HNF4G: variants seen among roughly 807,000 people sequenced by gnomAD.
The protein encoded by HNF4G is hepatocyte nuclear factor 4-gamma.
In HNF4G, 21 loss-of-function variants were observed where a neutral mutation model predicts 50.9. The observed-to-expected ratio is 0.41, with a 90% CI of 0.29 to 0.59. The LOEUF (loss-of-function observed/expected upper bound fraction) is 0.59, where lower values mean the gene tolerates loss of function less well. Ranked by LOEUF, HNF4G falls within the 20% of genes least tolerant of loss-of-function variation. HNF4G has a pLI of 0.26. For synonymous variants in HNF4G, 198 were observed against 185.6 expected (o/e 1.07, Z -0.54); for missense variants, 527 against 559.4 (o/e 0.94, Z 0.58).
chr8:75,439,766 T>C (rs1234235418), intron 1 of HNF4G, among the ~76,000 whole-genome samples: 2 of 152,016 alleles, frequency 1.3e-5, no homozygotes, highest in Non-Finnish European at 2.9e-5. Flanking sequence ...ATCTCCACAT[T>C]AGTTTTTTTA....
At chr8:75,516,774 T>C (rs1805899270) in intron 2 of HNF4G, among the ~76,000 whole-genome samples, 1 of 152,226 alleles carries the variant, frequency 6.6e-6, no homozygotes, top group Non-Finnish European at 1.5e-5. Context: ...TTATGTCTTC[T>C]TGAAGAATTG....
chr8:75,424,498 G>A (rs1240353179), intron 1 of HNF4G, among the ~76,000 whole-genome samples: 2 of 152,074 alleles, frequency 1.3e-5, no homozygotes, highest in African/African-American at 4.8e-5. Flanking sequence ...GATAGTGGAC[G>A]TAATACCCAA....
At chr8:75,463,915 C>T (rs142466492) in intron 1 of HNF4G, among the ~76,000 whole-genome samples, 2 of 151,960 alleles carry the variant, frequency 1.3e-5, no homozygotes, top group East Asian at 1.9e-4. Flanking sequence ...GCTGGGATTA[C>T]AGGCATGTGC....
intron 1 of HNF4G, among the ~76,000 whole-genome samples, chr8:75,454,230 A>G (rs1047604928): frequency 6.6e-6 from 1 of 152,036 alleles, no homozygotes; most frequent in Non-Finnish European, 1.5e-5. Context: ...TTCTGCTAGC[A>G]CCCTGATTTT....
At chr8:75,418,591 C>A (rs187708649) in intron 1 of HNF4G, among the ~76,000 whole-genome samples, 1 of 152,264 alleles carries the variant, frequency 6.6e-6, no homozygotes, top group East Asian at 1.9e-4. Flanking sequence ...AGTATATTCC[C>A]CCTTTGACAA....
At chr8:75,425,665 C>T (rs1001263919) in intron 1 of HNF4G, among the ~76,000 whole-genome samples, 2 of 150,460 alleles carry the variant, frequency 1.3e-5, no homozygotes, top group Admixed American at 1.3e-4. Flanking sequence ...TTCCAACTAC[C>T]CAAAAGTATC....
intron 2 of HNF4G, among the ~76,000 whole-genome samples, chr8:75,517,413 C>G (rs1388296941): frequency 6.6e-6 from 1 of 152,180 alleles, no homozygotes; most frequent in Non-Finnish European, 1.5e-5. Context: ...GTCCCTTCCA[C>G]TTATGAGCCT....
intron 1 of HNF4G, among the ~76,000 whole-genome samples, chr8:75,441,248 T>C (rs1217665773): frequency 6.8e-6 from 1 of 147,508 alleles, no homozygotes; most frequent in Non-Finnish European, 1.5e-5. Flanking sequence ...GATTAGAACT[T>C]TTTTTTTTTT....
intron 1 of HNF4G, among the ~76,000 whole-genome samples, chr8:75,489,421 C>A (rs1812568869): frequency 6.6e-6 from 1 of 152,110 alleles, no homozygotes; most frequent in Non-Finnish European, 1.5e-5. Context: ...TAAACTGAAC[C>A]TCATCTTCTC....
At chr8:75,521,637 T>C (rs1051708520) in intron 2 of HNF4G, among the ~76,000 whole-genome samples, 2 of 152,334 alleles carry the variant, frequency 1.3e-5, no homozygotes, top group East Asian at 1.9e-4. Flanking sequence ...GATAAATGTG[T>C]ACTGTTACTA....
intron 1 of HNF4G, among the ~76,000 whole-genome samples, chr8:75,484,996 C>G (rs1472029113): frequency 6.6e-6 from 1 of 152,186 alleles, no homozygotes; most frequent in Non-Finnish European, 1.5e-5. Context: ...TGCACAAGCT[C>G]TTAGCCGCCA....
intron 2 of HNF4G, among the ~76,000 whole-genome samples, chr8:75,519,657 C>A (rs1805987763): frequency 6.6e-6 from 1 of 152,156 alleles, no homozygotes; most frequent in Admixed American, 6.5e-5. Context: ...AATTGCCTCC[C>A]ACTGGGTCCC....
At chr8:75,545,239 A>ATATGTGTGTGTG (rs151192258) in intron 2 of HNF4G, among the ~76,000 whole-genome samples, 2 of 145,486 alleles carry the variant, frequency 1.4e-5, no homozygotes, top group Non-Finnish European at 3.0e-5. Flanking sequence ...TTAAAATTGA[A>ATATGTGTGTGTG]TGTGTGTGTG....
chr8:75,561,634 G>C lies in HNF4G; in HGVS notation c.1246+1168G>C, dbSNP rs180963133. On this transcript the variant is annotated intron_variant, in intron 9 of 9. Transcript: ENST00000396423. ...TCTGTTATTTAGGTAGCTGTTTGCAGACTGAAGAGTTGGCAGTGGGGTCTG... is the reference window on the plus strand; with the variant it reads ...TCTGTTATTTAGGTAGCTGTTTGCACACTGAAGAGTTGGCAGTGGGGTCTG... 2.9e-3 allele frequency among the ~76,000 whole-genome samples: 442 copies of C among 152,284 alleles called. 4 individuals are homozygous for C. The highest frequency in any genetic ancestry group is 0.017 in the South Asian group (83 of 4,818).
chr8:75,420,422 C>T (rs1482488747), intron 1 of HNF4G, among the ~76,000 whole-genome samples: 1 of 152,234 alleles, frequency 6.6e-6, no homozygotes, highest in East Asian at 1.9e-4. Context: ...TTCTTGCGGC[C>T]TATGAGGTGT....
At chr8:75,492,209 C>A (rs180798306) in intron 2 of HNF4G, among the ~76,000 whole-genome samples, 1 of 152,246 alleles carries the variant, frequency 6.6e-6, no homozygotes, top group African/African-American at 2.4e-5. Flanking sequence ...CAAATGCCAC[C>A]GCCCCACACT....
intron 1 of HNF4G, among the ~76,000 whole-genome samples, chr8:75,441,076 T>G (rs1343161955): frequency 6.6e-6 from 1 of 152,124 alleles, no homozygotes; most frequent in Non-Finnish European, 1.5e-5. Flanking sequence ...CTTATACACT[T>G]TTAGATTGCA....
chr8:75,542,606 T>C (rs1806658916), intron 1 of HNF4G, among the ~76,000 whole-genome samples: 2 of 150,532 alleles, frequency 1.3e-5, no homozygotes, highest in African/African-American at 4.9e-5. Flanking sequence ...TACCAGATAC[T>C]GGGATCAGAG....
intron 1 of HNF4G, among the ~76,000 whole-genome samples, chr8:75,452,946 A>G (rs768425079): frequency 3.9e-5 from 6 of 152,180 alleles, no homozygotes; most frequent in Non-Finnish European, 8.8e-5. Flanking sequence ...GGCCTGGTCT[A>G]TATTAGGTAG....
Sources: gnomAD v4.1 joint callset for allele counts (sites outside exome capture counted in the v4.1 genomes callset) on GRCh38, gnomAD v4.1.1 for gene constraint, MANE v1.5 for transcripts, NCBI Gene and HGNC (gene_info 2026-07-23, HGNC 2026-07-21) for gene names.